PHTF2: variants seen among roughly 807,000 people sequenced by gnomAD.
PHTF2 encodes the protein protein PHTF2.
PHTF2 carries 60 observed loss-of-function variants against 101.2 expected under a neutral mutation model. The observed-to-expected ratio is 0.59, with a 90% CI of 0.48 to 0.73. The LOEUF (loss-of-function observed/expected upper bound fraction) is 0.73. PHTF2 is among the 30% of genes least tolerant of loss of function. The probability of loss-of-function intolerance (pLI) is 0.00; values close to 1 mark genes in which losing one functional copy is unlikely to be tolerated. For missense variants in PHTF2, 747 were observed against 908.7 expected (o/e 0.82, Z 2.29); for synonymous variants, 311 against 307.3 (o/e 1.01, Z -0.13).
At chr7:77,930,628 A>C (rs370934477) in intron 12 of PHTF2, among the ~76,000 whole-genome samples, 37 of 152,364 alleles carry the variant, frequency 2.4e-4, no homozygotes, top group African/African-American at 8.2e-4. Flanking sequence ...TAACAATCCC[A>C]GAGGCTGGGT....
At chr7:77,847,684 C>A (rs1796412376) in intron 2 of PHTF2, among the ~76,000 whole-genome samples, 1 of 152,264 alleles carries the variant, frequency 6.6e-6, no homozygotes, top group South Asian at 2.1e-4. Flanking sequence ...TCACTTCAAG[C>A]ATTTATCATT....
chr7:77,805,973 G>A (rs968446152), intron 1 of PHTF2, among the ~76,000 whole-genome samples: 1 of 152,086 alleles, frequency 6.6e-6, no homozygotes, highest in Admixed American at 6.6e-5. Flanking sequence ...TCAGGAGTTC[G>A]AGACCAGCCT....
chr7:77,858,396 G>A (rs1797350550), intron 3 of PHTF2, among the ~76,000 whole-genome samples: 1 of 152,130 alleles, frequency 6.6e-6, no homozygotes, highest in Admixed American at 6.5e-5. Flanking sequence ...TCTAGTTCCT[G>A]TTAAACTTTT....
chr7:77,861,377 G>A (rs2150673308), intron 3 of PHTF2, among the ~76,000 whole-genome samples: 1 of 152,188 alleles, frequency 6.6e-6, no homozygotes, highest in South Asian at 2.1e-4. Flanking sequence ...TGGTAATTTT[G>A]AGGAATGCAC....
At chr7:77,906,478 T>C (rs1402685449) in intron 7 of PHTF2, 1 of 152,154 alleles carries the variant, frequency 6.6e-6, no homozygotes, top group Admixed American at 6.5e-5. Flanking sequence ...TTCTAATGCC[T>C]TGTCGTCAGA....
At chr7:77,939,787 T>A (rs1274539233) in intron 13 of PHTF2, among the ~76,000 whole-genome samples, 1 of 152,104 alleles carries the variant, frequency 6.6e-6, no homozygotes, top group Admixed American at 6.6e-5. Flanking sequence ...TTTTTCAAGA[T>A]CTGGATGACA....
At chr7:77,936,367 A>C (rs1805129005) in intron 12 of PHTF2, among the ~76,000 whole-genome samples, 1 of 152,160 alleles carries the variant, frequency 6.6e-6, no homozygotes, top group Non-Finnish European at 1.5e-5. Context: ...GAATGCCAAA[A>C]CTATTGTTTT....
exon 12 of PHTF2, chr7:77,929,260 C>T (rs765305947): frequency 2.5e-6 from 4 of 1,610,054 alleles, no homozygotes; most frequent in Non-Finnish European, 3.4e-6. Context: ...ACCAGTGAGA[C>T]AGATGTGGAA....
At chr7:77,834,518 T>G (rs1391441057) in intron 1 of PHTF2, among the ~76,000 whole-genome samples, 1 of 152,088 alleles carries the variant, frequency 6.6e-6, no homozygotes, top group Non-Finnish European at 1.5e-5. Context: ...CAGGCTTGGG[T>G]GTAGGGGCTT....
rs148786554 is a variant in PHTF2 at position 77,804,463 on chromosome 7, T to G, written c.-36+5492T>G. ...GCCTCAGCCTTGCGAGTAGCTGGGA[T>G]TACAGGTGCCTGTCACCGTGCCCGG... is the stretch of plus-strand genomic sequence containing the variant. On this transcript the variant is annotated intron_variant, in intron 1 of 19. Transcript: ENST00000416283. 5.4e-3 allele frequency among the ~76,000 whole-genome samples: 829 copies of G among 152,268 alleles called. 8 individuals are homozygous for G. The highest frequency in any genetic ancestry group is 0.019 in the African/African-American group (786 of 41,548).
intron 1 of PHTF2, among the ~76,000 whole-genome samples, chr7:77,799,974 C>G (rs1303355063): frequency 6.6e-6 from 1 of 151,984 alleles, no homozygotes; most frequent in Non-Finnish European, 1.5e-5. Flanking sequence ...TTTTGGTTAG[C>G]TTTTGCCATT....
At chr7:77,824,519 G>A (rs1364398266) in intron 1 of PHTF2, among the ~76,000 whole-genome samples, 1 of 152,024 alleles carries the variant, frequency 6.6e-6, no homozygotes, top group Non-Finnish European at 1.5e-5. Flanking sequence ...TCCACTTCCT[G>A]GGTTCAGGCA....
chr7:77,928,637 C>T (rs1804282889), intron 11 of PHTF2, among the ~76,000 whole-genome samples: 1 of 152,156 alleles, frequency 6.6e-6, no homozygotes, highest in African/African-American at 2.4e-5. Context: ...ATAAGTCAGC[C>T]CTCGCCCTCC....
chr7:77,802,020 A>C (rs114718431), intron 1 of PHTF2, among the ~76,000 whole-genome samples: 1,717 of 152,344 alleles, frequency 0.011, 39 homozygotes, highest in African/African-American at 0.039. Flanking sequence ...AGAAACAATA[A>C]ATAATTTTAA....
chr7:77,799,017 C>T lies in PHTF2; in HGVS notation c.-36+46C>T, dbSNP rs185675009. 1.6e-3 allele frequency: 247 copies of T among 152,842 alleles called. 2 individuals are homozygous for T. Among genetic ancestry groups the T allele is most frequent in the East Asian group, 8.7e-3 (45 of 5,172 alleles). The allele number at this position is 152,842 out of a possible 1,614,324, so 9.5% of individuals were successfully genotyped here. On this transcript the variant is annotated intron_variant, in intron 1 of 19. Coordinates refer to ENST00000416283, the Ensembl canonical transcript of PHTF2. ...GCGCTCGGGTGGGCAGTGTGGAGGT[C>T]GTCGAGTTCTGACAGAATTTCGAGG...
At chr7:77,802,585 A>G (rs972285586) in intron 1 of PHTF2, among the ~76,000 whole-genome samples, 1 of 152,186 alleles carries the variant, frequency 6.6e-6, no homozygotes, top group Non-Finnish European at 1.5e-5. Flanking sequence ...TCTGTCTTCC[A>G]GGTTGGAGTA....
chr7:77,831,898 A>G (rs1795104682), intron 1 of PHTF2, among the ~76,000 whole-genome samples: 1 of 152,182 alleles, frequency 6.6e-6, no homozygotes. Context: ...ACGTGCCCTT[A>G]GTTTATGTCT....
At chr7:77,816,344 G>T (rs963221981) in intron 1 of PHTF2, among the ~76,000 whole-genome samples, 1 of 152,118 alleles carries the variant, frequency 6.6e-6, no homozygotes, top group African/African-American at 2.4e-5. Flanking sequence ...CAAAGTGCTG[G>T]GATTTCAAGA....
At chr7:77,826,655 T>G (rs925941939) in intron 1 of PHTF2, among the ~76,000 whole-genome samples, 10 of 152,200 alleles carry the variant, frequency 6.6e-5, no homozygotes, top group Non-Finnish European at 1.3e-4. Flanking sequence ...GGAGCAGAAC[T>G]TAGTCTTGGC....
Sources: allele counts gnomAD v4.1 joint callset (sites outside exome capture counted in the v4.1 genomes callset), GRCh38; gene constraint gnomAD v4.1.1; transcripts MANE v1.5; gene names NCBI Gene and HGNC (gene_info 2026-07-23, HGNC 2026-07-21).